The following CSMD1 variants were observed in gnomAD, a reference collection of about 807,000 sequenced individuals.
CSMD1 encodes the protein CUB and Sushi multiple domains 1, also known as CUB and sushi domain-containing protein 1.
A neutral mutation model predicts 417.5 loss-of-function variants in CSMD1; 213 were observed. The ratio of observed to expected loss-of-function variants is 0.51; its 90% CI spans 0.46 to 0.57. The LOEUF is 0.57. Ranked by LOEUF, CSMD1 falls within the 20% of genes least tolerant of loss-of-function variation. The pLI, the probability that CSMD1 is intolerant of heterozygous loss-of-function variation, is 0.00. For synonymous variants in CSMD1, 2,862 were observed against 1,736.8 expected, an observed-to-expected ratio of 1.65 and a Z score of -16.11; for missense variants, 6,923 against 4,529.7, an observed-to-expected ratio of 1.53 and a Z score of -15.17.
intron 1 of CSMD1, among the ~76,000 whole-genome samples, chr8:4,805,653 C>T (rs1258279844): frequency 6.6e-6 from 1 of 152,142 alleles, no homozygotes; most frequent in Admixed American, 6.6e-5. Flanking sequence ...CATCTTTAAA[C>T]ACATAAATTA....
At chr8:3,226,197 C>G (rs1371184299) in intron 27 of CSMD1, among the ~76,000 whole-genome samples, 1 of 152,172 alleles carries the variant, frequency 6.6e-6, no homozygotes, top group Non-Finnish European at 1.5e-5. Context: ...TACATTTTGG[C>G]TTTTCAGAGT....
intron 26 of CSMD1, among the ~76,000 whole-genome samples, chr8:3,249,832 T>G (rs1444614): frequency 0.18 from 27,427 of 152,172 alleles, 2,581 homozygotes; most frequent in African/African-American, 0.2. Flanking sequence ...TGATGTTTAT[T>G]TTGCAAATGG....
intron 10 of CSMD1, among the ~76,000 whole-genome samples, chr8:3,541,921 G>C (rs972818511): frequency 3.3e-5 from 5 of 152,156 alleles, no homozygotes; most frequent in African/African-American, 4.8e-5. Context: ...CATTAGCTGG[G>C]CGTGGTGGCT....
Position 4,444,492 on chromosome 8 carries a change from G to T in CSMD1, c.303-24427C>A, listed in dbSNP as rs73660828. 4.8e-3 allele frequency among the ~76,000 whole-genome samples: 723 copies of T among 151,912 alleles called. 7 individuals are homozygous for T. The highest frequency in any genetic ancestry group is 0.017 in the African/African-American group (684 of 41,438). ...AGACATAAGCAGTCGCATTCAATTAGGATATATTTTGACAGACAAGTTTTT... is the reference window on the plus strand; with the variant it reads ...AGACATAAGCAGTCGCATTCAATTATGATATATTTTGACAGACAAGTTTTT... On this transcript the variant is annotated intron_variant, in intron 2 of 69. Transcript: ENST00000635120.
At chr8:3,274,649 T>G (rs199747963) in intron 26 of CSMD1, among the ~76,000 whole-genome samples, 11,178 of 152,182 alleles carry the variant, frequency 0.073, 499 homozygotes, top group Middle Eastern at 0.1. Context: ...TAGTTAGCCC[T>G]TCTTGTTGAA....
At chr8:3,172,497 C>T (rs1820641895) in intron 37 of CSMD1, among the ~76,000 whole-genome samples, 2 of 152,028 alleles carry the variant, frequency 1.3e-5, no homozygotes, top group South Asian at 4.1e-4. Flanking sequence ...TAATTGTGCC[C>T]CCACCTCAAG....
chr8:3,079,483 T>C (rs1047342316), intron 49 of CSMD1, among the ~76,000 whole-genome samples: 1 of 152,122 alleles, frequency 6.6e-6, no homozygotes, highest in Non-Finnish European at 1.5e-5. Flanking sequence ...GATAATGAAA[T>C]AGAAGCAAAT....
intron 1 of CSMD1, among the ~76,000 whole-genome samples, chr8:4,759,078 A>G (rs574832062): frequency 6.6e-6 from 1 of 152,308 alleles, no homozygotes; most frequent in South Asian, 2.1e-4. Flanking sequence ...ATGCTCTGGG[A>G]GCAATATCTG....
At chr8:4,390,837 G>A (rs976018735) in intron 3 of CSMD1, among the ~76,000 whole-genome samples, 5 of 152,098 alleles carry the variant, frequency 3.3e-5, no homozygotes, top group South Asian at 2.1e-4. Context: ...CACCATGCCC[G>A]GCCAAAAGTA....
intron 1 of CSMD1, among the ~76,000 whole-genome samples, chr8:4,785,161 C>G (rs1014736787): frequency 6.6e-6 from 1 of 152,164 alleles, no homozygotes; most frequent in Non-Finnish European, 1.5e-5. Flanking sequence ...GTTTCCATAG[C>G]TTTGCTGAAT....
intron 5 of CSMD1, among the ~76,000 whole-genome samples, chr8:3,874,297 G>T (rs1016548939): frequency 1.3e-5 from 2 of 152,142 alleles, no homozygotes; most frequent in East Asian, 3.9e-4. Flanking sequence ...TGGACCACCT[G>T]TACTTTGGAA....
intron 5 of CSMD1, among the ~76,000 whole-genome samples, chr8:3,965,393 T>A (rs183456952): frequency 1.3e-5 from 2 of 152,150 alleles, no homozygotes; most frequent in Admixed American, 6.5e-5. Flanking sequence ...TACAAATACA[T>A]TGCCTTAGAG....
chr8:4,221,144 A>T (rs963225081), intron 3 of CSMD1, among the ~76,000 whole-genome samples: 4 of 152,212 alleles, frequency 2.6e-5, no homozygotes, highest in African/African-American at 9.6e-5. Flanking sequence ...TAAAGAGCGG[A>T]GGAATATCAC....
intron 50 of CSMD1, among the ~76,000 whole-genome samples, chr8:3,046,643 G>C (rs752457664): frequency 6.6e-6 from 1 of 152,090 alleles, no homozygotes; most frequent in Non-Finnish European, 1.5e-5. Context: ...CCTTGGCAGC[G>C]TTACACAATT....
At chr8:4,939,925 G>T (rs72624085) in intron 1 of CSMD1, among the ~76,000 whole-genome samples, 35,588 of 151,912 alleles carry the variant, frequency 0.23, 4,309 homozygotes, top group East Asian at 0.38. Flanking sequence ...ATACAATTTT[G>T]ATTTGTCAAT....
intron 56 of CSMD1, among the ~76,000 whole-genome samples, chr8:2,974,103 T>C (rs965698261): frequency 2.7e-5 from 4 of 150,772 alleles, no homozygotes; most frequent in Non-Finnish European, 5.9e-5. Context: ...TAGAGGATGA[T>C]GGTAGAGGAT....
chr8:4,764,309 T>C (rs1812305379), intron 1 of CSMD1, among the ~76,000 whole-genome samples: 1 of 152,164 alleles, frequency 6.6e-6, no homozygotes, highest in South Asian at 2.1e-4. Flanking sequence ...TGAAAACATA[T>C]AGTAGAGCAA....
chr8:3,987,082 T>A (rs1814386965), intron 5 of CSMD1, among the ~76,000 whole-genome samples: 1 of 152,222 alleles, frequency 6.6e-6, no homozygotes, highest in Non-Finnish European at 1.5e-5. Flanking sequence ...TCTATCATTT[T>A]GTGAAAACGA....
intron 3 of CSMD1, among the ~76,000 whole-genome samples, chr8:4,072,784 T>C (rs1368567164): frequency 2.0e-5 from 3 of 152,266 alleles, no homozygotes; most frequent in East Asian, 3.9e-4. Flanking sequence ...CTCACAGTCA[T>C]GGAAATTGAG....
Sources: gnomAD v4.1 joint callset for allele counts (sites outside exome capture counted in the v4.1 genomes callset) on GRCh38, gnomAD v4.1.1 for gene constraint, MANE v1.5 for transcripts, NCBI Gene and HGNC (gene_info 2026-07-23, HGNC 2026-07-21) for gene names.